The following PDE7B variants were observed in gnomAD, a reference collection of about 807,000 sequenced individuals.
The protein encoded by PDE7B is phosphodiesterase 7B.
A neutral mutation model predicts 56.2 loss-of-function variants in PDE7B; 29 were observed. The observed-to-expected ratio is 0.52, with a 90% CI of 0.38 to 0.70. PDE7B has a LOEUF of 0.70. Ranked by LOEUF, PDE7B falls within the 30% of genes least tolerant of loss-of-function variation. PDE7B has a pLI of 0.00. For missense variants in PDE7B, 490 were observed against 565.0 expected (o/e 0.87, Z 1.35); for synonymous variants, 197 against 196.9 (o/e 1.00, Z 0.00).
chr6:136,072,437 G>GC (rs1777065407), intron 2 of PDE7B: 1 of 152,204 alleles, frequency 6.6e-6, no homozygotes. Context: ...CGATCCTCCT[G>GC]CCCTGGCCTA....
chr6:135,992,997 CA>C (rs1775501284), intron 2 of PDE7B: 2 of 152,240 alleles, frequency 1.3e-5, no homozygotes. Context: ...CAATGTCACA[CA>C]GTGAGTTGTG....
At chr6:135,904,528 G>A (rs1776063424) in intron 1 of PDE7B, among the ~76,000 whole-genome samples, 1 of 152,114 alleles carries the variant, frequency 6.6e-6, no homozygotes, top group Non-Finnish European at 1.5e-5. Context: ...ATTTCCAAAT[G>A]GGCATTCTGA....
chr6:136,182,938 C>T (rs550280041), intron 11 of PDE7B, among the ~76,000 whole-genome samples: 101 of 151,794 alleles, frequency 6.7e-4, no homozygotes, highest in African/African-American at 2.4e-3. Flanking sequence ...CCGGGCGTGG[C>T]GGCACAACCT....
chr6:135,946,147 G>A (rs561994066), intron 1 of PDE7B, among the ~76,000 whole-genome samples: 54 of 151,734 alleles, frequency 3.6e-4, no homozygotes, highest in South Asian at 3.3e-3. Flanking sequence ...ATAAAATATG[G>A]ACAATTGTTT....
intron 2 of PDE7B, among the ~76,000 whole-genome samples, chr6:135,948,747 T>C (rs990628587): frequency 2.6e-5 from 4 of 151,858 alleles, no homozygotes; most frequent in African/African-American, 7.2e-5. Context: ...ACGAAGAATA[T>C]AGCATTGCAT....
At chr6:135,891,706 C>T (rs544840738) in intron 1 of PDE7B, among the ~76,000 whole-genome samples, 1 of 152,274 alleles carries the variant, frequency 6.6e-6, no homozygotes, top group Admixed American at 6.5e-5. Context: ...TTGAAAAAGC[C>T]TTCCAAGTGA....
At chr6:136,027,989 T>C (rs868371437) in intron 2 of PDE7B, among the ~76,000 whole-genome samples, 1 of 152,214 alleles carries the variant, frequency 6.6e-6, no homozygotes, top group Middle Eastern at 3.2e-3. Flanking sequence ...GCACTGTAGT[T>C]CACCATGCTT....
intron 1 of PDE7B, among the ~76,000 whole-genome samples, chr6:135,857,757 A>G (rs1775063816): frequency 6.6e-6 from 1 of 152,216 alleles, no homozygotes; most frequent in Non-Finnish European, 1.5e-5. Flanking sequence ...AACACCATAC[A>G]GTCATGTAAA....
rs545009263 is a variant in PDE7B at position 135,871,386 on chromosome 6, T to C, written c.21+19367T>C. Among the ~76,000 whole-genome samples, 100 of 152,318 alleles carry C rather than the reference T, an allele frequency of 6.6e-4. 1 individual carries two copies. Among genetic ancestry groups the C allele is most frequent in the African/African-American group, 2.3e-3 (96 of 41,588 alleles). Reference sequence around the variant, plus strand: ...GTGAAATCAAAGTACAAAGACCACATAGATCCCAAACAGCAGAAGCAACAG... The same window carrying C: ...GTGAAATCAAAGTACAAAGACCACACAGATCCCAAACAGCAGAAGCAACAG... On this transcript the variant is annotated intron_variant, in intron 1 of 12. Coordinates refer to ENST00000308191, the MANE Select transcript of PDE7B (RefSeq NM_018945.4).
chr6:135,881,958 G>A (rs958878088), intron 1 of PDE7B, among the ~76,000 whole-genome samples: 1 of 152,166 alleles, frequency 6.6e-6, no homozygotes, highest in Non-Finnish European at 1.5e-5. Context: ...CTTCCCACAT[G>A]CGTGTTTAAT....
At chr6:136,103,168 C>G (rs1777591751) in intron 2 of PDE7B, among the ~76,000 whole-genome samples, 1 of 152,166 alleles carries the variant, frequency 6.6e-6, no homozygotes, top group Admixed American at 6.5e-5. Flanking sequence ...TCCTACTTAG[C>G]CAGTTCAGCA....
At chr6:136,179,207 G>A in intron 10 of PDE7B, 66 bp downstream of exon 10, 1 of 1,460,324 alleles carries the variant, frequency 6.8e-7, no homozygotes, top group Non-Finnish European at 9.5e-7. Flanking sequence ...TGGGTGTGGT[G>A]GCTCACATCT....
At chr6:135,917,541 T>A (rs1413421229) in intron 1 of PDE7B, among the ~76,000 whole-genome samples, 1 of 152,200 alleles carries the variant, frequency 6.6e-6, no homozygotes, top group Non-Finnish European at 1.5e-5. Flanking sequence ...ATAGCTATTT[T>A]AAAGGCTTCA....
chr6:135,926,085 T>TGGGGGGGGGGG (rs948738463), intron 1 of PDE7B, among the ~76,000 whole-genome samples: 3 of 16,158 alleles, frequency 1.9e-4, no homozygotes, highest in African/African-American at 3.7e-4. Flanking sequence ...TTCTTTTTTT[T>TGGGGGGGGGGG]GGGGGGGGGG....
chr6:135,883,404 T>C (rs529093610), intron 1 of PDE7B, among the ~76,000 whole-genome samples: 5 of 152,326 alleles, frequency 3.3e-5, no homozygotes, highest in Admixed American at 2.0e-4. Flanking sequence ...TCTCAATGTC[T>C]AATATTTATT....
At chr6:135,953,165 G>T (rs1774729762) in intron 2 of PDE7B, among the ~76,000 whole-genome samples, 1 of 151,862 alleles carries the variant, frequency 6.6e-6, no homozygotes, top group Non-Finnish European at 1.5e-5. Flanking sequence ...AGAGAAAAAT[G>T]TTTTTTTCAC....
At chr6:135,887,771 G>A (rs991206952) in intron 1 of PDE7B, among the ~76,000 whole-genome samples, 3 of 152,120 alleles carry the variant, frequency 2.0e-5, no homozygotes, top group African/African-American at 7.2e-5. Flanking sequence ...AGCATAATTT[G>A]TGGCAGTTAC....
chr6:136,095,329 AATAC>A (rs544067357), intron 2 of PDE7B, among the ~76,000 whole-genome samples: 67 of 152,282 alleles, frequency 4.4e-4, no homozygotes, highest in African/African-American at 1.5e-3. Flanking sequence ...AAATTTATGT[AATAC>A]ATATGTTCTA....
chr6:136,158,753 C>T (rs1022273757), intron 8 of PDE7B, among the ~76,000 whole-genome samples: 2 of 152,150 alleles, frequency 1.3e-5, no homozygotes, highest in South Asian at 2.1e-4. Context: ...CCTCTCTCAT[C>T]AGACTGGAAG....
Sources: gnomAD v4.1 joint callset for allele counts (sites outside exome capture counted in the v4.1 genomes callset) on GRCh38, gnomAD v4.1.1 for gene constraint, MANE v1.5 for transcripts, NCBI Gene and HGNC (gene_info 2026-07-23, HGNC 2026-07-21) for gene names.